Variants in CAMKMT observed in about 807,000 individuals in gnomAD.
CAMKMT encodes the protein CaM KMT.
In CAMKMT, 53 loss-of-function variants were observed where a neutral mutation model predicts 48.0. The ratio of observed to expected loss-of-function variants is 1.10; its 90% CI spans 0.89 to 1.39. The LOEUF (loss-of-function observed/expected upper bound fraction) is 1.39, where lower values mean the gene tolerates loss of function less well. Among genes scored for constraint, CAMKMT ranks in the 40% most tolerant of loss-of-function variants. CAMKMT has a pLI of 0.00. For synonymous variants in CAMKMT, 165 were observed against 152.3 expected (o/e 1.08, Z -0.61); for missense variants, 428 against 402.7 (o/e 1.06, Z -0.54).
intron 3 of CAMKMT, among the ~76,000 whole-genome samples, chr2:44,553,669 G>C (rs114918248): frequency 2.0e-5 from 3 of 152,202 alleles, no homozygotes; most frequent in African/African-American, 7.2e-5. Flanking sequence ...CCACGTTTTT[G>C]TTGTTGTTGT....
At chr2:44,500,368 G>A (rs1050419165) in intron 3 of CAMKMT, among the ~76,000 whole-genome samples, 1 of 152,034 alleles carries the variant, frequency 6.6e-6, no homozygotes, top group African/African-American at 2.4e-5. Flanking sequence ...TGAACTATCA[G>A]ACTTCAAAAA....
chr2:44,533,220 A>G (rs1267791882), intron 3 of CAMKMT, among the ~76,000 whole-genome samples: 4 of 151,914 alleles, frequency 2.6e-5, no homozygotes, highest in Admixed American at 2.6e-4. Flanking sequence ...CAGTAATCTC[A>G]TTAAAAAATA....
intron 3 of CAMKMT, among the ~76,000 whole-genome samples, chr2:44,667,723 C>T (rs1213005506): frequency 6.6e-6 from 1 of 152,174 alleles, no homozygotes; most frequent in Non-Finnish European, 1.5e-5. Context: ...CTGAAATCTC[C>T]AGGTCAAGCA....
rs183576585 is a variant in CAMKMT at position 44,488,604 on chromosome 2, A to C, written c.376+98299A>C. On this transcript the variant is annotated intron_variant, in intron 3 of 10. Coordinates refer to ENST00000378494, the MANE Select transcript of CAMKMT (RefSeq NM_024766.5). The stretch of plus-strand genomic sequence containing the variant: ...GTGATCCCAGCTACACAGGAGGCTG[A>C]GGTGGGAGGATCACTTGAGCCCAGG... Among the ~76,000 whole-genome samples, 582 of 152,124 alleles carry C rather than the reference A, an allele frequency of 3.8e-3. 3 individuals are homozygous for C. The highest frequency in any genetic ancestry group is 0.013 in the African/African-American group (546 of 41,514).
chr2:44,735,241 A>G (rs1194835851), intron 7 of CAMKMT, among the ~76,000 whole-genome samples: 1 of 152,202 alleles, frequency 6.6e-6, no homozygotes, highest in East Asian at 1.9e-4. Flanking sequence ...GTGTCTGTAT[A>G]TTTAAAATGC....
chr2:44,737,175 G>A lies in CAMKMT; in HGVS notation c.624-6447G>A, dbSNP rs183049066. On this transcript the variant is annotated intron_variant, in intron 7 of 10. Coordinates refer to ENST00000378494, the MANE Select transcript of CAMKMT (RefSeq NM_024766.5). ...CAGTCATGCAGGCTGGAGTGGAGTG[G>A]CACAATCACAGCTTACTACAGCTTC... Among the ~76,000 whole-genome samples, 103 of 152,230 alleles carry A rather than the reference G, an allele frequency of 6.8e-4. 1 individual carries two copies. The highest frequency in any genetic ancestry group is 2.3e-3 in the African/African-American group (97 of 41,542).
At chr2:44,426,573 G>A (rs945130008) in intron 3 of CAMKMT, among the ~76,000 whole-genome samples, 2 of 152,064 alleles carry the variant, frequency 1.3e-5, no homozygotes, top group Admixed American at 1.3e-4. Context: ...AAACAAGAAT[G>A]CAGTCCCATT....
At chr2:44,731,032 T>C (rs1307504626) in intron 7 of CAMKMT, among the ~76,000 whole-genome samples, 1 of 152,168 alleles carries the variant, frequency 6.6e-6, no homozygotes, top group Non-Finnish European at 1.5e-5. Flanking sequence ...ACTACCTTTT[T>C]AACAGCAGAG....
chr2:44,609,926 G>T (rs1671506846), intron 3 of CAMKMT, among the ~76,000 whole-genome samples: 1 of 152,142 alleles, frequency 6.6e-6, no homozygotes, highest in African/African-American at 2.4e-5. Context: ...CCATTGTCAA[G>T]AGTCTCTGTA....
chr2:44,604,479 G>T (rs1395421348), intron 3 of CAMKMT, among the ~76,000 whole-genome samples: 1 of 151,380 alleles, frequency 6.6e-6, no homozygotes, highest in African/African-American at 2.4e-5. Flanking sequence ...GTAATTCAGA[G>T]TCGGAAGATT....
chr2:44,443,858 C>T (rs1342062874), intron 3 of CAMKMT, among the ~76,000 whole-genome samples: 1 of 152,308 alleles, frequency 6.6e-6, no homozygotes, highest in East Asian at 1.9e-4. Flanking sequence ...TAAAATACTA[C>T]TGAAGCTGCC....
chr2:44,389,989 T>G (rs1454944479), intron 2 of CAMKMT, among the ~76,000 whole-genome samples: 1 of 152,226 alleles, frequency 6.6e-6, no homozygotes, highest in African/African-American at 2.4e-5. Flanking sequence ...ACCCAACAAG[T>G]AAATATTATT....
chr2:44,368,806 G>A (rs1179160344), intron 1 of CAMKMT, among the ~76,000 whole-genome samples: 1 of 152,138 alleles, frequency 6.6e-6, no homozygotes. Flanking sequence ...CTAAGAGTAA[G>A]CTCTGTTGAG....
chr2:44,613,789 G>T (rs1671723053), intron 3 of CAMKMT, among the ~76,000 whole-genome samples: 1 of 152,156 alleles, frequency 6.6e-6, no homozygotes, highest in Non-Finnish European at 1.5e-5. Context: ...CAGCCAGTCT[G>T]ACTCCTTAAA....
intron 7 of CAMKMT, among the ~76,000 whole-genome samples, chr2:44,716,108 A>G (rs1678162843): frequency 6.6e-6 from 1 of 152,114 alleles, no homozygotes; most frequent in Non-Finnish European, 1.5e-5. Context: ...GTATTTGTGC[A>G]TTTTTTGTCA....
intron 3 of CAMKMT, among the ~76,000 whole-genome samples, chr2:44,600,516 A>T (rs1572893673): frequency 6.6e-6 from 1 of 152,108 alleles, no homozygotes; most frequent in South Asian, 2.1e-4. Context: ...CCATCCTTCG[A>T]CCTCAGCCTC....
intron 7 of CAMKMT, among the ~76,000 whole-genome samples, chr2:44,739,588 A>G (rs909167256): frequency 1.3e-5 from 2 of 152,226 alleles, no homozygotes; most frequent in African/African-American, 2.4e-5. Context: ...TCTAGAGTTC[A>G]TGGGAGAGGT....
chr2:44,724,614 G>A (rs1239893050), intron 7 of CAMKMT, among the ~76,000 whole-genome samples: 1 of 152,110 alleles, frequency 6.6e-6, no homozygotes, highest in Admixed American at 6.5e-5. Context: ...TGAATCCATG[G>A]ATAGCCTCTG....
chr2:44,634,285 C>A (rs1558760081), intron 3 of CAMKMT, among the ~76,000 whole-genome samples: 1 of 151,824 alleles, frequency 6.6e-6, no homozygotes, highest in Non-Finnish European at 1.5e-5. Flanking sequence ...ATCTCTACCT[C>A]CTCAACTTAA....
Sources: allele counts gnomAD v4.1 joint callset (sites outside exome capture counted in the v4.1 genomes callset), GRCh38; gene constraint gnomAD v4.1.1; transcripts MANE v1.5; gene names NCBI Gene and HGNC (gene_info 2026-07-23, HGNC 2026-07-21).